The following PGR variants were observed in gnomAD, a reference collection of about 807,000 sequenced individuals.
PGR encodes the protein progesterone receptor.
Under a neutral mutation model 76.1 loss-of-function variants are expected in PGR, and 25 were observed. The ratio of observed to expected loss-of-function variants is 0.33; its 90% confidence interval spans 0.24 to 0.46. The LOEUF (loss-of-function observed/expected upper bound fraction) is 0.46. Ranked by LOEUF, PGR falls within the 20% of genes least tolerant of loss-of-function variation. The pLI, the probability that PGR is intolerant of heterozygous loss-of-function variation, is 1.00. For synonymous variants in PGR, 579 were observed against 535.0 expected (o/e 1.08, Z -1.14); for missense variants, 1,172 against 1,225.3 (o/e 0.96, Z 0.65).
intron 4 of PGR, among the ~76,000 whole-genome samples, chr11:101,053,341 T>C (rs1203138646): frequency 6.6e-6 from 1 of 151,046 alleles, no homozygotes; most frequent in African/African-American, 2.4e-5. Context: ...CCCATCTTCA[T>C]GTGAATAGTA....
In PGR at chr11:101,033,755, AATTC is replaced by A; in HGVS notation, c.*5357_*5360del. 4.8e-6 allele frequency: 1 copy of A among 206,616 alleles called. No individual in the cohort carries two copies. Among genetic ancestry groups the A allele is most frequent in the Non-Finnish European group, 9.9e-6 (1 of 101,106 alleles). 12.8% of individuals were successfully genotyped at this position (206,616 alleles called of 1,614,324 possible). On this transcript the variant is annotated 3_prime_UTR_variant, in exon 8 of 8. Coordinates refer to ENST00000325455, the MANE Select transcript of PGR (RefSeq NM_000926.4). ...GCTTGAAACCACTGCTGTCTAAAAT[AATTC>A]ATAACAGTAAAAATGCAGATTAGTA...
At chr11:101,060,858 T>C (rs1860467051) in intron 4 of PGR, among the ~76,000 whole-genome samples, 1 of 152,204 alleles carries the variant, frequency 6.6e-6, no homozygotes, top group Admixed American at 6.5e-5. Flanking sequence ...TTTTCTCTCA[T>C]TCCTTTTTGT....
At chr11:101,051,315 GTCA>G (rs1473557460) in intron 5 of PGR, 106 bp downstream of exon 5, 6 of 742,426 alleles carry the variant, frequency 8.1e-6, no homozygotes, top group Admixed American at 6.9e-5. Flanking sequence ...TGACAGTAAT[GTCA>G]TCATATCAAG....
chr11:101,033,039 T>C lies in PGR; in HGVS notation c.*6077A>G, dbSNP rs1859399764. ...AATACAAAGAACTTTGATATTTTCT[T>C]CTGTTTCTTTCAAATTTCAGTAAAA... On this transcript the variant is annotated 3_prime_UTR_variant, in exon 8 of 8. Transcript: ENST00000325455. The C allele has an allele frequency of 5.1e-6, 1 of 196,614 alleles. No individual in the cohort carries two copies. Among genetic ancestry groups the C allele is most frequent in the Non-Finnish European group, 1.1e-5 (1 of 94,940 alleles). The allele number at this position is 196,614 out of a possible 1,614,324, so 12.2% of individuals were successfully genotyped here.
chr11:101,116,214 T>C (rs1862502119), intron 2 of PGR, among the ~76,000 whole-genome samples: 1 of 152,192 alleles, frequency 6.6e-6, no homozygotes, highest in Non-Finnish European at 1.5e-5. Flanking sequence ...TCAGGAAGGA[T>C]TCCTTAATTC....
At chr11:101,125,696 A>G (rs1448878591) in intron 2 of PGR, among the ~76,000 whole-genome samples, 1 of 152,228 alleles carries the variant, frequency 6.6e-6, no homozygotes, top group Non-Finnish European at 1.5e-5. Context: ...TAAAAGTACT[A>G]TTAGAACAAA....
chr11:101,095,899 T>C (rs1861816911), intron 2 of PGR, among the ~76,000 whole-genome samples: 1 of 152,190 alleles, frequency 6.6e-6, no homozygotes, highest in Non-Finnish European at 1.5e-5. Flanking sequence ...TTAAAGATAT[T>C]CTCAAACTTG....
chr11:101,066,843 T>C (rs573698796), intron 3 of PGR, among the ~76,000 whole-genome samples: 12 of 152,314 alleles, frequency 7.9e-5, no homozygotes, highest in African/African-American at 2.9e-4. Context: ...CTGTTTCCAC[T>C]GCTTGCACCA....
At chr11:101,092,458 C>A (rs576437569) in intron 2 of PGR, among the ~76,000 whole-genome samples, 7 of 152,118 alleles carry the variant, frequency 4.6e-5, no homozygotes, top group Non-Finnish European at 1.0e-4. Context: ...ATTTTGACTA[C>A]ACATTAGAAA....
At chr11:101,113,276 T>A (rs912213679) in intron 2 of PGR, among the ~76,000 whole-genome samples, 2 of 152,070 alleles carry the variant, frequency 1.3e-5, no homozygotes, top group Admixed American at 6.5e-5. Context: ...TCTTCTTTTT[T>A]TTTTTCCCAG....
chr11:101,072,254 C>A (rs1317144608), intron 3 of PGR, among the ~76,000 whole-genome samples: 2 of 152,080 alleles, frequency 1.3e-5, no homozygotes, highest in African/African-American at 4.8e-5. Context: ...GAGAAATAAA[C>A]TCCTTTACAG....
At chr11:101,089,879 A>C (rs1861619896) in intron 3 of PGR, among the ~76,000 whole-genome samples, 1 of 152,144 alleles carries the variant, frequency 6.6e-6, no homozygotes, top group Non-Finnish European at 1.5e-5. Flanking sequence ...TTGGTTAGAG[A>C]AGATAAAGGA....
intron 3 of PGR, among the ~76,000 whole-genome samples, chr11:101,090,166 C>A (rs1234208169): frequency 1.3e-5 from 2 of 151,904 alleles, no homozygotes; most frequent in East Asian, 3.9e-4. Context: ...CCATTGCACT[C>A]CAGCCTGGGC....
intron 2 of PGR, among the ~76,000 whole-genome samples, chr11:101,106,421 C>A (rs1862164614): frequency 6.6e-6 from 1 of 152,100 alleles, no homozygotes; most frequent in African/African-American, 2.4e-5. Context: ...TGAGCAGACA[C>A]TTCTCAAAAA....
chr11:101,040,805 G>A (rs955552402), intron 7 of PGR, among the ~76,000 whole-genome samples: 15 of 151,920 alleles, frequency 9.9e-5, no homozygotes, highest in African/African-American at 2.7e-4. Flanking sequence ...CAACTTTTGC[G>A]ATTTCTTACA....
At chr11:101,121,029 T>C (rs1211705267) in intron 2 of PGR, among the ~76,000 whole-genome samples, 1 of 152,210 alleles carries the variant, frequency 6.6e-6, no homozygotes, top group Non-Finnish European at 1.5e-5. Context: ...TTCAGTACAG[T>C]AGAGATTTCA....
chr11:101,094,508 G>T (rs508533), intron 2 of PGR, among the ~76,000 whole-genome samples: 88,647 of 151,834 alleles, frequency 0.58, 26,593 homozygotes, highest in Non-Finnish European at 0.64. Flanking sequence ...CCTTATATGT[G>T]GTGTGCCACT....
intron 3 of PGR, among the ~76,000 whole-genome samples, chr11:101,067,380 T>A (rs1369161958): frequency 6.6e-6 from 1 of 151,780 alleles, no homozygotes; most frequent in African/African-American, 2.4e-5. Flanking sequence ...GATGACAAAA[T>A]ACAACAATAT....
rs1404241316 is a variant in PGR, at chr11:101,031,431, A to C, written c.*7685T>G. On this transcript the variant is annotated 3_prime_UTR_variant, in exon 8 of 8. Coordinates refer to ENST00000325455, the MANE Select transcript of PGR (RefSeq NM_000926.4). ...CTAACAATTTCCTTGATGGAAATTG[A>C]ATAAGGTAATCCAAAAAGAAGGCTC... is the stretch of plus-strand genomic sequence containing the variant. 2 of 226,552 alleles carry C rather than the reference A, an allele frequency of 8.8e-6. No homozygotes were observed. Among genetic ancestry groups the C allele is most frequent in the African/African-American group, 2.2e-5 (1 of 44,962 alleles). The allele number at this position is 226,552 out of a possible 1,614,324, so 14.0% of individuals were successfully genotyped here. A position where few individuals can be genotyped will look rare whatever the true frequency, so the allele number is the denominator to read the frequency against.
Sources: gnomAD v4.1 joint callset for allele counts (sites outside exome capture counted in the v4.1 genomes callset) on GRCh38, gnomAD v4.1.1 for gene constraint, MANE v1.5 for transcripts, NCBI Gene and HGNC (gene_info 2026-07-23, HGNC 2026-07-21) for gene names.